The following ATL1 variants were observed in gnomAD, a reference collection of about 807,000 sequenced individuals.
ATL1 encodes the protein atlastin-1.
ATL1 carries 31 observed loss-of-function variants against 75.5 expected under a neutral mutation model. That is an observed-to-expected ratio of 0.41 (90% CI 0.31 to 0.55). ATL1 has a LOEUF of 0.55. Among genes scored for constraint, ATL1 ranks in the 20% least tolerant of loss-of-function variants. The pLI is 0.27. For missense variants in ATL1, 405 were observed against 662.6 expected (o/e 0.61, Z 4.27); for synonymous variants, 226 against 233.3 (o/e 0.97, Z 0.28).
intron 6 of ATL1, 68 bp downstream of exon 6, chr14:50,595,700 A>T: frequency 7.2e-7 from 1 of 1,387,186 alleles, no homozygotes; most frequent in South Asian, 1.2e-5. Flanking sequence ...AGGTATATTA[A>T]TTAGGGTCAT....
chr14:50,623,335 G>A, intron 11 of ATL1, 87 bp downstream of exon 11: 4 of 1,027,270 alleles, frequency 3.9e-6, no homozygotes, highest in Non-Finnish European at 6.0e-6. Flanking sequence ...ATGTTACACT[G>A]TACACACATG....
intron 1 of ATL1, among the ~76,000 whole-genome samples, chr14:50,580,029 TCTA>T (rs1200743951): frequency 6.6e-6 from 1 of 152,238 alleles, no homozygotes; most frequent in Non-Finnish European, 1.5e-5. Flanking sequence ...ACTTTTTTAA[TCTA>T]CTGCTCTGTG....
chr14:50,562,126 G>A (rs2038853379), intron 1 of ATL1, among the ~76,000 whole-genome samples: 1 of 151,866 alleles, frequency 6.6e-6, no homozygotes, highest in Non-Finnish European at 1.5e-5. Flanking sequence ...CTCACTGCAA[G>A]CTCCACCTCC....
intron 1 of ATL1, among the ~76,000 whole-genome samples, chr14:50,550,096 T>G (rs1566709305): frequency 6.6e-6 from 1 of 152,180 alleles, no homozygotes; most frequent in East Asian, 1.9e-4. Flanking sequence ...TGATCCCAGC[T>G]GTACTCTTTG....
intron 11 of ATL1, 137 bp downstream of exon 11, chr14:50,623,385 G>A (rs200462282): frequency 1.0e-5 from 6 of 574,258 alleles, no homozygotes; most frequent in Admixed American, 6.6e-5. Flanking sequence ...CCTGTATCAC[G>A]TCTATTTATT....
chr14:50,630,822 T>G, intron 13 of ATL1: 1 of 350,942 alleles, frequency 2.8e-6, no homozygotes, highest in Non-Finnish European at 5.6e-6. Flanking sequence ...ATTTCAGCTT[T>G]GTAAATCAAA....
At chr14:50,599,740 T>C (rs888254364) in intron 6 of ATL1, among the ~76,000 whole-genome samples, 6 of 152,172 alleles carry the variant, frequency 3.9e-5, no homozygotes, top group African/African-American at 1.4e-4. Context: ...ATACTATTTA[T>C]GCATATTATA....
At chr14:50,597,199 ACT>A (rs1307052235) in intron 6 of ATL1, among the ~76,000 whole-genome samples, 1 of 138,508 alleles carries the variant, frequency 7.2e-6, no homozygotes, top group Non-Finnish European at 1.5e-5. Context: ...ACAGAGCAAG[ACT>A]CTGTCTCAAA....
intron 5 of ATL1, 50 bp from the exon 6 acceptor site, chr14:50,595,518 TTCTCTCTC>T (rs3834518): frequency 1.2e-4 from 173 of 1,406,462 alleles, no homozygotes; most frequent in Admixed American, 8.0e-4. Context: ...GGTGCTAAAG[TTCTCTCTC>T]TCTCTCTCTC....
intron 1 of ATL1, among the ~76,000 whole-genome samples, chr14:50,566,545 T>A (rs1000864103): frequency 4.6e-5 from 7 of 152,210 alleles, no homozygotes; most frequent in African/African-American, 1.7e-4. Context: ...TGAAATGGTA[T>A]CTCATTGTAG....
intron 1 of ATL1, among the ~76,000 whole-genome samples, chr14:50,574,470 A>G (rs2038982458): frequency 6.6e-6 from 1 of 152,208 alleles, no homozygotes; most frequent in Admixed American, 6.5e-5. Flanking sequence ...ATGATTGAGC[A>G]TGACACAGAC....
chr14:50,570,629 A>G (rs1055924040), intron 1 of ATL1, among the ~76,000 whole-genome samples: 29 of 152,056 alleles, frequency 1.9e-4, no homozygotes, highest in African/African-American at 5.3e-4. Flanking sequence ...GACTTTCTCC[A>G]TGTCTCCTGC....
chr14:50,626,531 A>T (rs1357531447), intron 11 of ATL1, among the ~76,000 whole-genome samples: 1 of 152,216 alleles, frequency 6.6e-6, no homozygotes, highest in Admixed American at 6.5e-5. Context: ...CTTCCTATGG[A>T]TAAGCAAAGA....
Position 50,615,554 on chromosome 14 carries a change from A to G in ATL1, c.862+1043A>G, listed in dbSNP as rs375232507. On this transcript the variant is annotated intron_variant, in intron 8 of 13. Coordinates refer to ENST00000358385, the MANE Select transcript of ATL1 (RefSeq NM_015915.5). Reference sequence around the variant, plus strand: ...ACAATACCAAATTTCTCAATCATTAATCAGCATGGTGGTTATATACATTTT... The same window carrying G: ...ACAATACCAAATTTCTCAATCATTAGTCAGCATGGTGGTTATATACATTTT... Among the ~76,000 whole-genome samples, 20 of 152,312 alleles carry G rather than the reference A, an allele frequency of 1.3e-4. No individual in the cohort carries two copies. The South Asian group carries it at 4.1e-3, about 32-fold the overall frequency.
intron 1 of ATL1, among the ~76,000 whole-genome samples, chr14:50,583,957 G>A (rs1307317168): frequency 6.6e-6 from 1 of 151,876 alleles, no homozygotes; most frequent in Admixed American, 6.6e-5. Flanking sequence ...AGGAAAGAAG[G>A]GGCTTTGACA....
intron 12 of ATL1, among the ~76,000 whole-genome samples, chr14:50,628,811 G>T (rs766434473): frequency 1.3e-5 from 2 of 152,072 alleles, no homozygotes; most frequent in Non-Finnish European, 2.9e-5. Context: ...CCGCCTCCCA[G>T]GCTCAAGCAA....
At chr14:50,595,653 G>T in intron 6 of ATL1, 21 bp downstream of exon 6, 1 of 1,610,490 alleles carries the variant, frequency 6.2e-7, no homozygotes, top group Non-Finnish European at 8.5e-7. Context: ...GTTAAATGAT[G>T]GTAAATTCTT....
At chr14:50,621,746 T>C (rs2039468612) in intron 9 of ATL1, 97 bp from the exon 10 acceptor site, 1 of 772,086 alleles carries the variant, frequency 1.3e-6, no homozygotes, top group Admixed American at 2.4e-5. Context: ...CCTGAAAATA[T>C]TTTTTGAAAT....
At chr14:50,542,433 A>C (rs1164700506) in intron 1 of ATL1, 1 of 152,188 alleles carries the variant, frequency 6.6e-6, no homozygotes, top group African/African-American at 2.4e-5. Flanking sequence ...CACATTCTGT[A>C]CAGGTATCCC....
Sources: allele counts gnomAD v4.1 joint callset (sites outside exome capture counted in the v4.1 genomes callset), GRCh38; gene constraint gnomAD v4.1.1; transcripts MANE v1.5; gene names NCBI Gene and HGNC (gene_info 2026-07-23, HGNC 2026-07-21).